CFAP70: variants seen among roughly 807,000 people sequenced by gnomAD.
CFAP70 encodes the protein cilia- and flagella-associated protein 70.
A neutral mutation model predicts 137.6 loss-of-function variants in CFAP70; 81 were observed. The ratio of observed to expected loss-of-function variants is 0.59; its 90% CI spans 0.49 to 0.71. The LOEUF (loss-of-function observed/expected upper bound fraction) is 0.71, where lower values mean the gene tolerates loss of function less well. CFAP70 is among the 30% of genes least tolerant of loss of function. The probability of loss-of-function intolerance (pLI) is 0.00; values close to 1 mark genes in which losing one functional copy is unlikely to be tolerated. For missense variants in CFAP70, 976 were observed against 1,226.7 expected (o/e 0.80, Z 3.05); for synonymous variants, 382 against 423.6 (o/e 0.90, Z 1.20).
chr10:73,318,843 G>T (rs948707527), intron 9 of CFAP70, among the ~76,000 whole-genome samples: 4 of 152,168 alleles, frequency 2.6e-5, no homozygotes, highest in Non-Finnish European at 4.4e-5. Context: ...AGAAGTAGAA[G>T]TCCTATTGGA....
chr10:73,281,330 A>G (rs2131815201), intron 19 of CFAP70, among the ~76,000 whole-genome samples: 1 of 149,212 alleles, frequency 6.7e-6, no homozygotes, highest in South Asian at 2.1e-4. Context: ...GACTACAGAC[A>G]TGCCACCACA....
At chr10:73,331,764 C>T (rs1197861220) in intron 7 of CFAP70, among the ~76,000 whole-genome samples, 1 of 152,098 alleles carries the variant, frequency 6.6e-6, no homozygotes, top group Non-Finnish European at 1.5e-5. Flanking sequence ...TTCTGCTCAA[C>T]TTCTAGTGAG....
chr10:73,313,320 C>G (rs535807201), intron 9 of CFAP70, among the ~76,000 whole-genome samples: 89 of 137,462 alleles, frequency 6.5e-4, no homozygotes, highest in African/African-American at 2.4e-3. Flanking sequence ...TGCAGTGAGC[C>G]AAGATCATGC....
At chr10:73,270,054 C>A (rs1351784434) in intron 24 of CFAP70, among the ~76,000 whole-genome samples, 1 of 152,192 alleles carries the variant, frequency 6.6e-6, no homozygotes, top group African/African-American at 2.4e-5. Flanking sequence ...AACTCACTCT[C>A]ATGTGTGCAT....
chr10:73,353,427 G>T, intron 3 of CFAP70, 129 bp downstream of exon 3: 1 of 863,940 alleles, frequency 1.2e-6, no homozygotes, highest in South Asian at 1.8e-5. Context: ...TGGGAACAAA[G>T]GAACTGTCCT....
At chr10:73,346,314 C>T (rs765699330) in intron 4 of CFAP70, among the ~76,000 whole-genome samples, 2 of 152,030 alleles carry the variant, frequency 1.3e-5, no homozygotes, top group Non-Finnish European at 2.9e-5. Flanking sequence ...GACATTTTCA[C>T]TCAGGATACA....
chr10:73,345,835 GA>G (rs1295867780), intron 4 of CFAP70, among the ~76,000 whole-genome samples: 1 of 151,998 alleles, frequency 6.6e-6, no homozygotes, highest in Non-Finnish European at 1.5e-5. Context: ...AGTTGCACAT[GA>G]GTAAGTGAGA....
intron 11 of CFAP70, 44 bp downstream of exon 12, chr10:73,311,790 C>A: frequency 7.1e-7 from 1 of 1,413,688 alleles, no homozygotes; most frequent in South Asian, 1.2e-5. Context: ...TAATAAAGGT[C>A]TGGTTAACTT....
intron 25 of CFAP70, among the ~76,000 whole-genome samples, chr10:73,264,704 T>G (rs2045588618): frequency 6.6e-6 from 1 of 152,228 alleles, no homozygotes; most frequent in South Asian, 2.1e-4. Context: ...ATAGTATGTA[T>G]TAGTCTACAT....
At chr10:73,288,754 C>T (rs2047937603) in intron 19 of CFAP70, among the ~76,000 whole-genome samples, 1 of 152,162 alleles carries the variant, frequency 6.6e-6, no homozygotes, top group Non-Finnish European at 1.5e-5. Flanking sequence ...CCAAATGGAC[C>T]AGACTATAGA....
chr10:73,314,878 T>C (rs1830292409), intron 9 of CFAP70, among the ~76,000 whole-genome samples: 1 of 150,794 alleles, frequency 6.6e-6, no homozygotes, highest in African/African-American at 2.4e-5. Flanking sequence ...GTGCTGGGAT[T>C]ACAGGTGTGA....
intron 25 of CFAP70, among the ~76,000 whole-genome samples, chr10:73,257,400 A>G (rs551550216): frequency 2.0e-5 from 3 of 152,264 alleles, no homozygotes; most frequent in Admixed American, 2.0e-4. Context: ...TGCATGAAGC[A>G]CTCCTCCAGA....
intron 8 of CFAP70, among the ~76,000 whole-genome samples, chr10:73,330,503 T>G (rs2051964538): frequency 6.7e-6 from 1 of 148,750 alleles, no homozygotes. Flanking sequence ...AGTTTTGAAA[T>G]CTAAGGAAAG....
intron 25 of CFAP70, among the ~76,000 whole-genome samples, chr10:73,266,031 C>A (rs2045725527): frequency 6.6e-6 from 1 of 151,964 alleles, no homozygotes; most frequent in African/African-American, 2.4e-5. Context: ...AACTTCCTGC[C>A]CATGGACATG....
At chr10:73,337,298 T>C (rs1357054161) in intron 6 of CFAP70, among the ~76,000 whole-genome samples, 1 of 150,520 alleles carries the variant, frequency 6.6e-6, no homozygotes, top group South Asian at 2.1e-4. Context: ...CTGGCCAATA[T>C]GGTGAAGCCC....
At chr10:73,342,609 G>A (rs1564874142) in intron 5 of CFAP70, among the ~76,000 whole-genome samples, 1 of 152,022 alleles carries the variant, frequency 6.6e-6, no homozygotes, top group Non-Finnish European at 1.5e-5. Flanking sequence ...AAGTTTACTG[G>A]AAAAGATAAA....
rs765294881 is a variant in CFAP70 at position 73,354,805 on chromosome 10, CT to C, written c.-10del. ...GATGGCACTTGCTCCATATCACCAA[CT>C]GGGAAAAGTCCCTCTGTTTTCTTTG... On this transcript the variant is annotated 5_prime_UTR_variant, in exon 2 of 27. The change abolishes the stop of an existing upstream ORF in the 5' untranslated region. Transcript: ENST00000310715. The C allele has an allele frequency of 6.2e-7, 1 of 1,613,558 alleles. No homozygotes were observed. The highest frequency in any genetic ancestry group is 8.5e-7 in the Non-Finnish European group (1 of 1,179,674).
At chr10:73,284,739 C>CATATAT (rs539417737) in intron 19 of CFAP70, among the ~76,000 whole-genome samples, 4 of 27,488 alleles carry the variant, frequency 1.5e-4, no homozygotes, top group Non-Finnish European at 3.5e-4. Flanking sequence ...TGACCTGCCA[C>CATATAT]ATATATATAT....
chr10:73,321,233 A>G (rs1201847799), intron 9 of CFAP70, among the ~76,000 whole-genome samples: 1 of 152,088 alleles, frequency 6.6e-6, no homozygotes, highest in East Asian at 1.9e-4. Context: ...CCTGTCTAAC[A>G]TGGTGAAACC....
Sources: gnomAD v4.1 joint callset for allele counts (sites outside exome capture counted in the v4.1 genomes callset) on GRCh38, gnomAD v4.1.1 for gene constraint, MANE v1.5 for transcripts, NCBI Gene and HGNC (gene_info 2026-07-23, HGNC 2026-07-21) for gene names.